The following NEB variants were observed in gnomAD, a reference collection of about 807,000 sequenced individuals.
NEB encodes nemaline myopathy type 2.
Under a neutral mutation model 952.2 loss-of-function variants are expected in NEB, and 512 were observed. That is an observed-to-expected ratio of 0.54 (90% confidence interval 0.50 to 0.58). The LOEUF (loss-of-function observed/expected upper bound fraction) is 0.58. NEB is among the 20% of genes least tolerant of loss of function. The pLI, the probability that NEB is intolerant of heterozygous loss-of-function variation, is 0.00. For missense variants in NEB, 8,428 were observed against 9,231.1 expected, an observed-to-expected ratio of 0.91 and a Z score of 3.56; for synonymous variants, 2,900 against 3,149.8, an observed-to-expected ratio of 0.92 and a Z score of 2.66.
chr2:151,655,721 A>G, intron 50 of NEB, 96 bp downstream of exon 50: 1 of 1,309,644 alleles, frequency 7.6e-7, no homozygotes, highest in Non-Finnish European at 1.1e-6. Flanking sequence ...ACAGCCTAGG[A>G]ATGATGGACC....
At chr2:151,543,628 A>G (rs1323941253) in intron 135 of NEB, among the ~76,000 whole-genome samples, 2 of 152,074 alleles carry the variant, frequency 1.3e-5, no homozygotes. Context: ...CTCCCAAGCA[A>G]TTTTTTTCTT....
Position 151,669,145 on chromosome 2 carries a change from A to C in NEB, c.4507-14T>G. 6.7e-7 allele frequency: 1 copy of C among 1,494,490 alleles called. No homozygotes were observed. The highest frequency in any genetic ancestry group is 9.2e-7 in the Non-Finnish European group (1 of 1,089,024). The allele number at this position is 1,494,490 out of a possible 1,614,324, so 92.6% of individuals were successfully genotyped here. A position where few individuals can be genotyped will look rare whatever the true frequency, so the allele number is the denominator to read the frequency against. ...CTTGTAGTTCAACTAAAAACAAAGG[A>C]GACAGCATGCACATATCATTAGCTG... On this transcript the variant is annotated splice_polypyrimidine_tract_variant and intron_variant, in intron 38 of 181. Transcript: ENST00000397345.
At chr2:151,692,751 C>T (rs2099568612) in intron 20 of NEB, among the ~76,000 whole-genome samples, 1 of 152,190 alleles carries the variant, frequency 6.6e-6, no homozygotes, top group Non-Finnish European at 1.5e-5. Flanking sequence ...GGGCAGATCA[C>T]TCAAGGCCAG....
intron 107 of NEB, among the ~76,000 whole-genome samples, chr2:151,570,828 A>G (rs987425097): frequency 1.3e-5 from 2 of 152,022 alleles, no homozygotes; most frequent in Non-Finnish European, 2.9e-5. Flanking sequence ...TTTTGTTTTT[A>G]TTATTTTTAA....
intron 88 of NEB, among the ~76,000 whole-genome samples, chr2:151,601,046 C>T (rs2097488000): frequency 3.4e-5 from 3 of 89,204 alleles, no homozygotes; most frequent in African/African-American, 1.1e-4. Context: ...AGTTGTACTT[C>T]TTATTACTTT....
At chr2:151,671,395 G>A in intron 37 of NEB, 166 bp from the exon 38 acceptor site, 1 of 622,602 alleles carries the variant, frequency 1.6e-6, no homozygotes, top group African/African-American at 1.8e-5. Context: ...AGAAGAAGCT[G>A]TTCTGTTGTT....
chr2:151,551,562 G>C (rs1325984530), intron 129 of NEB, among the ~76,000 whole-genome samples, 176 bp downstream of exon 129: 1 of 152,154 alleles, frequency 6.6e-6, no homozygotes, highest in Non-Finnish European at 1.5e-5. Flanking sequence ...CTCCATAGGG[G>C]GATCCTGGCA....
At chr2:151,565,686 T>C in intron 115 of NEB, 30 bp downstream of exon 115, 1 of 1,590,716 alleles carries the variant, frequency 6.3e-7, no homozygotes, top group Non-Finnish European at 8.6e-7. Context: ...AGGACAGGCA[T>C]AGGTTAGAAG....
Position 151,516,541 on chromosome 2 carries a change from T to C in NEB, c.22823A>G (p.Glu7608Gly). 6.2e-7 allele frequency: 1 copy of C among 1,611,468 alleles called. No homozygotes were observed. ...QSIVKYKEKY[E>G]KERGKPMLDF... The stretch of plus-strand genomic sequence containing the variant: ...CAGCATGGGTTTTCCTCGTTCCTTT[T>C]CATACTTTTCTTTGTATTTCACCTG... Residue 7608 changes from glutamate to glycine, a missense_variant, in exon 157 of 182, where the codon GAA becomes GGA. Around this residue, in one of 11 missense-constraint regions of NEB, gnomAD observed 3,374 missense variants for 3,651.5 expected, o/e 0.92. Transcript: ENST00000397345.
At chr2:151,552,235 T>A (rs1423484568) in intron 128 of NEB, among the ~76,000 whole-genome samples, 1 of 152,182 alleles carries the variant, frequency 6.6e-6, no homozygotes, top group African/African-American at 2.4e-5. Flanking sequence ...TGCATCAGAA[T>A]GGGAGGCTCA....
intron 18 of NEB, among the ~76,000 whole-genome samples, chr2:151,695,126 G>T (rs2099586722): frequency 6.6e-6 from 1 of 152,152 alleles, no homozygotes; most frequent in South Asian, 2.1e-4. Context: ...ATGAAGGATA[G>T]AAATGGGTAT....
intron 72 of NEB, 139 bp downstream of exon 72, chr2:151,620,780 G>C (rs1342998386): frequency 1.7e-6 from 1 of 604,526 alleles, no homozygotes; most frequent in Non-Finnish European, 2.8e-6. Flanking sequence ...TCTTGGGCAA[G>C]TTATCTGTAT....
chr2:151,572,447 T>C (rs912422983), intron 107 of NEB, among the ~76,000 whole-genome samples: 2 of 149,122 alleles, frequency 1.3e-5, no homozygotes, highest in Admixed American at 6.7e-5. Context: ...ACACTATTTC[T>C]TATGTAATGC....
chr2:151,526,145 G>A lies in NEB; in HGVS notation c.22050+13C>T, dbSNP rs113403461. ...CAAGAGGGAAGCAGAACTCATGGGC[G>A]GCTGGGGGTTACCTCAGACACCAGG... On this transcript the variant is annotated intron_variant, in intron 149 of 181. Coordinates refer to ENST00000397345, the MANE Select transcript of NEB (RefSeq NM_001164508.2). The A allele has an allele frequency of 3.4e-4, 553 of 1,613,398 alleles. 3 individuals are homozygous for A. The African/African-American group carries it at 6.3e-3, about 19-fold the overall frequency.
chr2:151,697,082 A>T, intron 16 of NEB, 66 bp downstream of exon 16: 1 of 1,224,254 alleles, frequency 8.2e-7, no homozygotes. Flanking sequence ...GCAACATTTT[A>T]AACATATCCT....
chr2:151,717,620 G>C, intron 9 of NEB, 100 bp from the exon 10 acceptor site: 5 of 873,508 alleles, frequency 5.7e-6, no homozygotes. Context: ...ATTTGTCCTA[G>C]ATGTTACATA....
intron 105 of NEB, among the ~76,000 whole-genome samples, 154 bp from the exon 106 acceptor site, chr2:151,576,508 ATATATATATTTTTTTTTTTTTTTT>A (rs1410894592): frequency 2.0e-3 from 98 of 49,942 alleles, no homozygotes; most frequent in East Asian, 0.013. Context: ...ATATATATAT[ATATATATATTTTTTTTTTTTTTTT>A]TTTTTTTTTT....
chr2:151,554,432 G>C (rs2095514550), intron 125 of NEB, among the ~76,000 whole-genome samples: 1 of 152,070 alleles, frequency 6.6e-6, no homozygotes, highest in African/African-American at 2.4e-5. Context: ...GGTGGTGCAT[G>C]CCTGTAGGCC....
intron 165 of NEB, 78 bp from the exon 166 acceptor site, chr2:151,503,519 T>TG: frequency 1.1e-6 from 1 of 905,226 alleles, no homozygotes; most frequent in South Asian, 1.5e-5. Context: ...GTGGGCTATT[T>TG]GGGGGAAACT....
Sources: allele counts gnomAD v4.1 joint callset (sites outside exome capture counted in the v4.1 genomes callset), GRCh38; gene constraint gnomAD v4.1.1; regional missense constraint gnomAD v4.1.1; transcripts MANE v1.5; gene names NCBI Gene and HGNC (gene_info 2026-07-23, HGNC 2026-07-21).